Variants in ZNF516 observed in about 807,000 individuals in gnomAD.
The protein encoded by ZNF516 is zinc finger protein 516.
In ZNF516, 19 loss-of-function variants were observed where a neutral mutation model predicts 79.7. The ratio of observed to expected loss-of-function variants is 0.24; its 90% CI spans 0.17 to 0.35. The LOEUF is 0.35. Ranked by LOEUF, ZNF516 falls within the 10% of genes least tolerant of loss-of-function variation. The pLI is 1.00. For missense variants in ZNF516, 1,678 were observed against 1,679.5 expected (o/e 1.00, Z 0.02); for synonymous variants, 877 against 739.5 (o/e 1.19, Z -3.02).
chr18:76,383,480 GCCAGGGACCCAGGACC>G, intron 3 of ZNF516, among the ~76,000 whole-genome samples: 3 of 141,914 alleles, frequency 2.1e-5, no homozygotes, highest in Admixed American at 7.1e-5. Flanking sequence ...CACCTTCTCA[GCCAGGGACCCAGGACC>G]CTCTTCCCCA....
chr18:76,367,294 C>G (rs7238197), intron 6 of ZNF516, among the ~76,000 whole-genome samples: 1 of 152,094 alleles, frequency 6.6e-6, no homozygotes. Context: ...CCTTATCTCT[C>G]GCTGGGATCA....
At chr18:76,491,067 G>T (rs1024737146) in intron 1 of ZNF516, 64 of 985,236 alleles carry the variant, frequency 6.5e-5, no homozygotes, top group Non-Finnish European at 7.6e-5. Flanking sequence ...GTTCAGGTGT[G>T]AACACTTATG....
At chr18:76,450,397 A>T (rs1384933584) in intron 2 of ZNF516, among the ~76,000 whole-genome samples, 2 of 151,116 alleles carry the variant, frequency 1.3e-5, no homozygotes, top group African/African-American at 4.9e-5. Flanking sequence ...GCTGTAATAA[A>T]TGCAGGTTGG....
intron 2 of ZNF516, among the ~76,000 whole-genome samples, chr18:76,445,548 G>A (rs1911991129): frequency 6.6e-6 from 1 of 152,160 alleles, no homozygotes; most frequent in African/African-American, 2.4e-5. Flanking sequence ...TTAGTGACTG[G>A]ATGTGGTATA....
At chr18:76,491,696 C>T (rs1461496885) in intron 1 of ZNF516, 1 of 143,604 alleles carries the variant, frequency 7.0e-6, no homozygotes, top group Non-Finnish European at 1.5e-5. Flanking sequence ...GCAGGTGAGT[C>T]CCCCCCCGAC....
chr18:76,381,600 T>A (rs569006627), intron 3 of ZNF516, among the ~76,000 whole-genome samples: 3 of 152,346 alleles, frequency 2.0e-5, no homozygotes, highest in African/African-American at 7.2e-5. Context: ...CAAGGGGTTC[T>A]TCATCAGGGT....
chr18:76,420,306 C>T lies in ZNF516; in HGVS notation c.1810+20939G>A, dbSNP rs116420015. ...GATGTCTACTTGACCATCCAAACTC[C>T]TCCAGTGTCCTTCTCACCCTCTGGC... On this transcript the variant is annotated intron_variant, in intron 3 of 6. Transcript: ENST00000443185. Among the ~76,000 whole-genome samples, 285 of 152,318 alleles carry T rather than the reference C, an allele frequency of 1.9e-3. 1 individual carries two copies. Among genetic ancestry groups the T allele is most frequent in the African/African-American group, 6.6e-3 (275 of 41,566 alleles).
At chr18:76,448,314 G>T (rs923258956) in intron 2 of ZNF516, among the ~76,000 whole-genome samples, 1 of 151,952 alleles carries the variant, frequency 6.6e-6, no homozygotes, top group Non-Finnish European at 1.5e-5. Flanking sequence ...ACTTACATTT[G>T]CTAAATTTGG....
At chr18:76,384,533 C>T (rs1450576527) in intron 3 of ZNF516, among the ~76,000 whole-genome samples, 8 of 139,890 alleles carry the variant, frequency 5.7e-5, no homozygotes, top group Non-Finnish European at 1.1e-4. Flanking sequence ...CCTCCACGAA[C>T]CCCACGCCCC....
intron 3 of ZNF516, among the ~76,000 whole-genome samples, chr18:76,407,121 A>G (rs2075314054): frequency 6.6e-6 from 1 of 152,148 alleles, no homozygotes; most frequent in African/African-American, 2.4e-5. Flanking sequence ...AGGTGGATTC[A>G]AGGACACCCA....
At chr18:76,470,915 C>G (rs953031368) in intron 1 of ZNF516, among the ~76,000 whole-genome samples, 4 of 151,880 alleles carry the variant, frequency 2.6e-5, no homozygotes, top group Non-Finnish European at 5.9e-5. Context: ...TACTCGGGAG[C>G]CTGAGAAAAA....
At chr18:76,470,150 G>A (rs934375318) in intron 1 of ZNF516, among the ~76,000 whole-genome samples, 4 of 152,138 alleles carry the variant, frequency 2.6e-5, no homozygotes, top group East Asian at 3.8e-4. Flanking sequence ...CAGTTTTCAC[G>A]TTCTCAGATT....
chr18:76,489,587 A>C (rs1393846630), intron 1 of ZNF516, among the ~76,000 whole-genome samples: 11 of 18,062 alleles, frequency 6.1e-4, no homozygotes, highest in Non-Finnish European at 6.7e-4. Context: ...AACATCTTAC[A>C]AAAAAAAAAA....
At position 76,379,939 on chromosome 18, in the gene ZNF516, C is replaced by A. The variant is rs370543169; in HGVS notation, c.2175G>T (p.Ala725=). The A allele has an allele frequency of 6.2e-7, 1 of 1,613,854 alleles. No individual in the cohort carries two copies. The highest frequency in any genetic ancestry group is 8.5e-7 in the Non-Finnish European group (1 of 1,179,904). ...NKEHSGGGKR[A]LAPDLMPLDL... ...CTAGCGGCATGAGGTCTGGGGCCAGCGCCCGCTTCCCTCCCCCAGAGTGTT... is the reference window on the plus strand; with the variant it reads ...CTAGCGGCATGAGGTCTGGGGCCAGAGCCCGCTTCCCTCCCCCAGAGTGTT... The change falls in exon 4 of 7, where the codon GCG becomes GCT. Residue 725 remains alanine, a synonymous_variant. Transcript: ENST00000443185.
chr18:76,461,200 T>TA (rs1469474766), intron 2 of ZNF516, among the ~76,000 whole-genome samples: 18 of 151,912 alleles, frequency 1.2e-4, no homozygotes, highest in Admixed American at 1.2e-3. Context: ...AATAAATAAA[T>TA]AAAAATAACA....
At position 76,459,504 on chromosome 18, in the gene ZNF516, C is replaced by T. The variant is rs1184654584; in HGVS notation, c.-158+3524G>A. ...AGCCCAGGATTTGTGCCATTCAGGA[C>T]GTGGCGGCCGTGTGCACCCCATCGG... On this transcript the variant is annotated intron_variant, in intron 2 of 6. Coordinates refer to ENST00000443185, the MANE Select transcript of ZNF516 (RefSeq NM_014643.4). The surrounding 1 kb of genome is among the most constrained non-coding windows in gnomAD (Gnocchi z 5.0). 6.6e-6 allele frequency among the ~76,000 whole-genome samples: 1 copy of T among 152,234 alleles called. No homozygotes were observed. Among genetic ancestry groups the T allele is most frequent in the African/African-American group, 2.4e-5 (1 of 41,466 alleles).
At chr18:76,367,867 C>A (rs2074641016) in intron 6 of ZNF516, among the ~76,000 whole-genome samples, 1 of 152,150 alleles carries the variant, frequency 6.6e-6, no homozygotes, top group African/African-American at 2.4e-5. Flanking sequence ...AATACTGTTT[C>A]AATTACATAA....
chr18:76,437,478 T>C (rs2075758818), intron 3 of ZNF516, among the ~76,000 whole-genome samples: 2 of 152,150 alleles, frequency 1.3e-5, no homozygotes, highest in South Asian at 4.1e-4. Flanking sequence ...TCCTTGATTC[T>C]TCAAATTGCA....
intron 1 of ZNF516, among the ~76,000 whole-genome samples, chr18:76,491,978 G>C (rs1915254204): frequency 6.6e-6 from 1 of 152,180 alleles, no homozygotes; most frequent in Admixed American, 6.5e-5. Flanking sequence ...CCTTGTAACC[G>C]AGTTAGATTT....
Sources: gnomAD v4.1 joint callset for allele counts (sites outside exome capture counted in the v4.1 genomes callset) on GRCh38, gnomAD v4.1.1 for gene constraint, Gnocchi (gnomAD v3.1) non-coding constraint, MANE v1.5 for transcripts, NCBI Gene and HGNC (gene_info 2026-07-23, HGNC 2026-07-21) for gene names.